The following ACACA variants were observed in gnomAD, a reference collection of about 807,000 sequenced individuals.
ACACA encodes acetyl-CoA carboxylase 1.
Under a neutral mutation model 296.1 loss-of-function variants are expected in ACACA, and 103 were observed. The observed-to-expected ratio is 0.35, with a 90% CI of 0.30 to 0.41. The LOEUF is 0.41. ACACA is among the 10% of genes least tolerant of loss of function. The probability of loss-of-function intolerance (pLI) is 1.00; values close to 1 mark genes in which losing one functional copy is unlikely to be tolerated. For synonymous variants in ACACA, 953 were observed against 1,038.6 expected (o/e 0.92, Z 1.58); for missense variants, 1,554 against 2,989.7 (o/e 0.52, Z 11.20).
chr17:37,150,477 G>A (rs1567725641), intron 44 of ACACA, among the ~76,000 whole-genome samples: 1 of 152,074 alleles, frequency 6.6e-6, no homozygotes, highest in African/African-American at 2.4e-5. Context: ...AGGAGGCAGA[G>A]GTTGCAGTGA....
At chr17:37,343,275 G>A (rs2048469063) in intron 1 of ACACA, among the ~76,000 whole-genome samples, 1 of 152,050 alleles carries the variant, frequency 6.6e-6, no homozygotes, top group Admixed American at 6.6e-5. Flanking sequence ...ACTGTGGCCG[G>A]CCCAGAGATA....
rs933468762 is a variant in ACACA at position 37,085,593 on chromosome 17, T to C, written c.*1723A>G. 15 of 398,776 alleles carry C rather than the reference T, an allele frequency of 3.8e-5. No homozygotes were observed. Among genetic ancestry groups the C allele is most frequent in the Non-Finnish European group, 5.7e-5 (13 of 226,106 alleles). The allele number at this position is 398,776 out of a possible 1,614,324, so 24.7% of individuals were successfully genotyped here. A position where few individuals can be genotyped will look rare whatever the true frequency, so the allele number is the denominator to read the frequency against. On this transcript the variant is annotated 3_prime_UTR_variant, in exon 56 of 56. Coordinates refer to ENST00000616317, the MANE Select transcript of ACACA (RefSeq NM_198834.3). ...TGGACTGAGAATTGTCCCCCACCAC[T>C]TTATGCCCTTTTCTGAAGGTGCTGA...
At chr17:37,223,775 C>A (rs944443570) in intron 27 of ACACA, among the ~76,000 whole-genome samples, 174 bp from the exon 28 acceptor site, 1 of 152,222 alleles carries the variant, frequency 6.6e-6, no homozygotes, top group Admixed American at 6.5e-5. Context: ...AATACCTATC[C>A]TCATAGGGCT....
intron 3 of ACACA, among the ~76,000 whole-genome samples, chr17:37,288,497 G>T (rs948690081): frequency 2.0e-5 from 3 of 152,330 alleles, no homozygotes; most frequent in Middle Eastern, 6.8e-3. Context: ...TGTGGGAACC[G>T]ACTGCAAGGG....
intron 54 of ACACA, among the ~76,000 whole-genome samples, chr17:37,092,058 C>T (rs12946127): frequency 6.6e-6 from 1 of 151,462 alleles, no homozygotes; most frequent in African/African-American, 2.4e-5. Context: ...GAGGCTGAGG[C>T]AGGGAATTGC....
At chr17:37,305,071 T>C (rs2083807849) in intron 3 of ACACA, among the ~76,000 whole-genome samples, 1 of 152,230 alleles carries the variant, frequency 6.6e-6, no homozygotes, top group Admixed American at 6.5e-5. Flanking sequence ...TGTAGATAAT[T>C]TCTGTTGACT....
Position 37,223,624 on chromosome 17 carries a change from T to C in ACACA, c.3475-23A>G, listed in dbSNP as rs771091248. ...TTTCTAGAAGATACAAAGACAGGCT[T>C]AAGCCTTACATCAAAAGGAGAACAA... On this transcript the variant is annotated intron_variant, in intron 27 of 55. Coordinates refer to ENST00000616317, the MANE Select transcript of ACACA (RefSeq NM_198834.3). The C allele has an allele frequency of 2.7e-5, 41 of 1,505,074 alleles. 1 individual carries two copies. In the South Asian group the frequency reaches 3.6e-4, roughly 13 times the overall value. The allele number at this position is 1,505,074 out of a possible 1,614,324, so 93.2% of individuals were successfully genotyped here.
At chr17:37,261,890 T>C (rs2081529633) in intron 11 of ACACA, among the ~76,000 whole-genome samples, 1 of 152,114 alleles carries the variant, frequency 6.6e-6, no homozygotes, top group South Asian at 2.1e-4. Context: ...GGGTGTATGG[T>C]GAAGGCAGGG....
At chr17:37,099,545 GGGAGGGCTGATGGCA>G (rs1425325469) in intron 52 of ACACA, among the ~76,000 whole-genome samples, 22 of 97,740 alleles carry the variant, frequency 2.3e-4, no homozygotes, top group Admixed American at 9.5e-4. Context: ...GGCTGATGGC[GGGAGGGCTGATGGCA>G]GGAGGGCTGA....
At chr17:37,134,829 G>C (rs1187932799) in intron 45 of ACACA, among the ~76,000 whole-genome samples, 1 of 152,180 alleles carries the variant, frequency 6.6e-6, no homozygotes, top group East Asian at 1.9e-4. Flanking sequence ...AATTTACTGA[G>C]TAATTGTCAT....
intron 1 of ACACA, among the ~76,000 whole-genome samples, chr17:37,402,413 G>C (rs1340245293): frequency 6.6e-6 from 1 of 152,144 alleles, no homozygotes; most frequent in Non-Finnish European, 1.5e-5. Flanking sequence ...AGATAGGGCA[G>C]TGATGATAAA....
In ACACA at chr17:37,359,189, A is replaced by G. The variant is rs552330632; in HGVS notation, c.39-19339T>C. On this transcript the variant is annotated intron_variant, in intron 1 of 55. Coordinates refer to ENST00000616317, the MANE Select transcript of ACACA (RefSeq NM_198834.3). ...CCGCCCCGCCCCTGTCTCCCACCTC[A>G]GCCGGCGAGCTCCATGAGGTGACTA... 16 of 954,226 alleles carry G rather than the reference A, an allele frequency of 1.7e-5. No homozygotes were observed. The South Asian group carries it at 6.3e-4, about 38-fold the overall frequency. 59.1% of individuals were successfully genotyped at this position (954,226 alleles called of 1,614,324 possible). A position where few individuals can be genotyped will look rare whatever the true frequency, so the allele number is the denominator to read the frequency against.
At chr17:37,121,207 A>G in intron 50 of ACACA, 148 bp downstream of exon 50, 1 of 1,001,074 alleles carries the variant, frequency 1.0e-6, no homozygotes, top group Non-Finnish European at 1.5e-6. Flanking sequence ...TCAAGTTGCA[A>G]CTCAAAAGAT....
At chr17:37,394,976 A>C (rs893219191) in intron 1 of ACACA, among the ~76,000 whole-genome samples, 1 of 151,920 alleles carries the variant, frequency 6.6e-6, no homozygotes, top group African/African-American at 2.4e-5. Flanking sequence ...AAAAGTATAA[A>C]GAATAAAAGT....
intron 31 of ACACA, 48 bp from the exon 32 acceptor site, chr17:37,206,927 A>AAACT: frequency 1.4e-6 from 2 of 1,447,420 alleles, no homozygotes; most frequent in South Asian, 2.3e-5. Context: ...AAGTGGCATG[A>AAACT]AACTAACACT....
intron 41 of ACACA, among the ~76,000 whole-genome samples, chr17:37,166,994 G>C (rs897659614): frequency 1.3e-5 from 2 of 152,046 alleles, no homozygotes; most frequent in Non-Finnish European, 2.9e-5. Context: ...ACCCAGGCTG[G>C]AGTGCAGTAG....
chr17:37,219,262 T>C (rs976651796), intron 29 of ACACA, among the ~76,000 whole-genome samples: 5 of 152,004 alleles, frequency 3.3e-5, no homozygotes, highest in Non-Finnish European at 5.9e-5. Context: ...GCTGAGAGGG[T>C]TGATAAACTC....
intron 30 of ACACA, among the ~76,000 whole-genome samples, chr17:37,209,615 G>T (rs188904810): frequency 2.6e-5 from 4 of 152,064 alleles, no homozygotes; most frequent in South Asian, 2.1e-4. Context: ...ATCCAAATTG[G>T]GATCTAAAAG....
chr17:37,256,799 A>C (rs1181551696), intron 14 of ACACA, among the ~76,000 whole-genome samples: 1 of 152,212 alleles, frequency 6.6e-6, no homozygotes, highest in African/African-American at 2.4e-5. Flanking sequence ...ATTAATACAA[A>C]CAACCATATA....
Sources: gnomAD v4.1 joint callset for allele counts (sites outside exome capture counted in the v4.1 genomes callset) on GRCh38, gnomAD v4.1.1 for gene constraint, MANE v1.5 for transcripts, NCBI Gene and HGNC (gene_info 2026-07-23, HGNC 2026-07-21) for gene names.